The following EPM2A variants were observed in gnomAD, a reference collection of about 807,000 sequenced individuals.
EPM2A encodes laforin.
Under a neutral mutation model 26.5 loss-of-function variants are expected in EPM2A, and 21 were observed. The observed-to-expected ratio is 0.79, with a 90% CI of 0.56 to 1.14. The LOEUF is 1.14. Ranked by LOEUF, EPM2A falls within the 50% of genes most tolerant of loss-of-function variation. The pLI, the probability that EPM2A is intolerant of heterozygous loss-of-function variation, is 0.00. For synonymous variants in EPM2A, 217 were observed against 177.6 expected (o/e 1.22, Z -1.76); for missense variants, 458 against 440.8 (o/e 1.04, Z -0.35).
intron 1 of EPM2A, among the ~76,000 whole-genome samples, chr6:145,712,481 T>G (rs533099953): frequency 1.9e-4 from 29 of 152,176 alleles, no homozygotes; most frequent in Non-Finnish European, 2.1e-4. Context: ...GAAACATGAC[T>G]TTACCAGTAT....
At chr6:145,490,791 T>C (rs1779744712) in intron 4 of EPM2A, 2 of 572,654 alleles carry the variant, frequency 3.5e-6, no homozygotes, top group African/African-American at 1.9e-5. Context: ...ACAGTTTCGA[T>C]ACTTTCTACC....
intron 4 of EPM2A, among the ~76,000 whole-genome samples, chr6:145,437,871 G>C (rs915760197): frequency 1.3e-5 from 2 of 152,134 alleles, no homozygotes; most frequent in Non-Finnish European, 2.9e-5. Flanking sequence ...TACCTGTTTA[G>C]GTTACTTAAT....
chr6:145,418,675 C>T (rs1282488812), intron 4 of EPM2A, among the ~76,000 whole-genome samples: 1 of 152,164 alleles, frequency 6.6e-6, no homozygotes, highest in Non-Finnish European at 1.5e-5. Context: ...GACTTCTGAT[C>T]AGGGTACTCC....
intron 4 of EPM2A, among the ~76,000 whole-genome samples, chr6:145,408,418 G>A (rs75298873): frequency 0.052 from 7,861 of 152,202 alleles, 676 homozygotes; most frequent in African/African-American, 0.18. Flanking sequence ...GCCCCTCTAC[G>A]CTAGGTTGAG....
intron 2 of EPM2A, among the ~76,000 whole-genome samples, chr6:145,516,632 G>C (rs1358668011): frequency 6.6e-6 from 1 of 152,128 alleles, no homozygotes; most frequent in South Asian, 2.1e-4. Context: ...AGAAAAATAT[G>C]AATGGAGAGC....
chr6:145,635,278 T>A lies in EPM2A; in HGVS notation c.685A>T (p.Ile229Phe). The A allele has an allele frequency of 6.2e-7, 1 of 1,614,216 alleles. No homozygotes were observed. The highest frequency in any genetic ancestry group is 8.5e-7 in the Non-Finnish European group (1 of 1,180,030). ...KLYREEGLAY[I>F]WMPTPDMSTE... ...CTCATATCTGGTGTTGGCATCCAGATGTAGGCCAAGCCTTCTTCCCTATAT... is the reference window on the plus strand; with the variant it reads ...CTCATATCTGGTGTTGGCATCCAGAAGTAGGCCAAGCCTTCTTCCCTATAT... The change falls in exon 3 of 4, where the codon ATC becomes TTC. Residue 229 changes from isoleucine (I) to phenylalanine (F), a missense_variant. Transcript: ENST00000367519.
intron 4 of EPM2A, among the ~76,000 whole-genome samples, chr6:145,396,088 A>G (rs1778401889): frequency 6.6e-6 from 1 of 152,174 alleles, no homozygotes; most frequent in African/African-American, 2.4e-5. Context: ...AAGAACGAAG[A>G]CTTTGTTCTG....
intron 2 of EPM2A, among the ~76,000 whole-genome samples, chr6:145,615,630 A>T (rs1775494642): frequency 6.6e-6 from 1 of 152,038 alleles, no homozygotes; most frequent in African/African-American, 2.4e-5. Flanking sequence ...GAAGTTTGGA[A>T]CTTCCTAGAG....
intron 1 of EPM2A, among the ~76,000 whole-genome samples, chr6:145,725,703 T>G (rs1776170680): frequency 6.6e-6 from 1 of 152,004 alleles, no homozygotes; most frequent in Non-Finnish European, 1.5e-5. Context: ...TATTTGACAT[T>G]GTGGAAAGGC....
At chr6:145,616,484 C>T (rs571641056) in intron 2 of EPM2A, among the ~76,000 whole-genome samples, 20 of 152,352 alleles carry the variant, frequency 1.3e-4, no homozygotes, top group African/African-American at 4.8e-4. Flanking sequence ...AGAGCACCTA[C>T]TCAGAGTCCC....
At chr6:145,535,585 C>T (rs1318450046) in intron 2 of EPM2A, among the ~76,000 whole-genome samples, 1 of 152,096 alleles carries the variant, frequency 6.6e-6, no homozygotes, top group Admixed American at 6.5e-5. Context: ...AGTGCAGACC[C>T]CAGCTTTGCA....
downstream of EPM2A, among the ~76,000 whole-genome samples, chr6:145,499,945 A>G (rs1779866201): frequency 7.6e-6 from 1 of 130,846 alleles, no homozygotes; most frequent in Admixed American, 7.2e-5. Context: ...AGCCTGGTTG[A>G]TGATTGCTTT....
At chr6:145,665,965 C>A (rs1329876793) in intron 2 of EPM2A, among the ~76,000 whole-genome samples, 1 of 148,830 alleles carries the variant, frequency 6.7e-6, no homozygotes, top group Non-Finnish European at 1.5e-5. Flanking sequence ...AATTCAACAA[C>A]CCTTCATGCT....
At chr6:145,480,060 T>G (rs1779595051) in intron 4 of EPM2A, among the ~76,000 whole-genome samples, 3 of 152,104 alleles carry the variant, frequency 2.0e-5, no homozygotes, top group Admixed American at 2.0e-4. Context: ...TATATCTTCT[T>G]TCAAGAAATA....
chr6:145,619,654 C>T (rs1321635069), intron 2 of EPM2A, among the ~76,000 whole-genome samples: 1 of 152,040 alleles, frequency 6.6e-6, no homozygotes, highest in Non-Finnish European at 1.5e-5. Flanking sequence ...AATCATAGGT[C>T]TGTCCGGCAA....
chr6:145,632,166 C>T (rs977778000), intron 3 of EPM2A: 8 of 152,142 alleles, frequency 5.3e-5, no homozygotes, highest in East Asian at 1.9e-4. Context: ...ACTAGCCTGC[C>T]GATATCCTCC....
chr6:145,488,866 C>T lies in EPM2A; in HGVS notation c.555+13656G>A, dbSNP rs552625194. Among the ~76,000 whole-genome samples, 7 of 152,132 alleles carry T rather than the reference C, an allele frequency of 4.6e-5. No homozygotes were observed. In the East Asian group the frequency reaches 1.3e-3, roughly 29 times the overall value. Reference sequence around the variant, plus strand: ...ATTTTCCCAGTTGAAATTGGCACTTCGGCTGCCATTAAATAAAATTTCTTA... The same window carrying T: ...ATTTTCCCAGTTGAAATTGGCACTTTGGCTGCCATTAAATAAAATTTCTTA... On this transcript the variant is annotated intron_variant, in intron 4 of 4. Coordinates refer to the EPM2A transcript ENST00000638717.
intron 2 of EPM2A, among the ~76,000 whole-genome samples, chr6:145,661,416 C>G (rs965137370): frequency 7.9e-5 from 12 of 152,176 alleles, no homozygotes; most frequent in Admixed American, 6.5e-4. Flanking sequence ...GAATCCCAAC[C>G]CCACTGCTCT....
intron 1 of EPM2A, among the ~76,000 whole-genome samples, chr6:145,691,872 A>C (rs1369109167): frequency 6.6e-6 from 1 of 152,038 alleles, no homozygotes; most frequent in Non-Finnish European, 1.5e-5. Context: ...TAAAATGGCA[A>C]ACTTAGGCTC....
Sources: allele counts gnomAD v4.1 joint callset (sites outside exome capture counted in the v4.1 genomes callset), GRCh38; gene constraint gnomAD v4.1.1; transcripts MANE v1.5; gene names NCBI Gene and HGNC (gene_info 2026-07-23, HGNC 2026-07-21).